The following TNS3 variants were observed in gnomAD, a reference collection of about 807,000 sequenced individuals.
TNS3 encodes the protein tensin-3.
TNS3 carries 45 observed loss-of-function variants against 140.9 expected under a neutral mutation model. The observed-to-expected ratio is 0.32, with a 90% CI of 0.25 to 0.41. TNS3 has a LOEUF of 0.41. TNS3 is among the 10% of genes least tolerant of loss of function. The pLI is 1.00. For missense variants in TNS3, 1,716 were observed against 1,906.7 expected, an observed-to-expected ratio of 0.90 and a Z score of 1.86; for synonymous variants, 815 against 788.4, an observed-to-expected ratio of 1.03 and a Z score of -0.56.
At chr7:47,565,485 G>A (rs969926587) in intron 1 of TNS3, among the ~76,000 whole-genome samples, 4 of 151,900 alleles carry the variant, frequency 2.6e-5, no homozygotes, top group Non-Finnish European at 5.9e-5. Flanking sequence ...TCCTGCCTCA[G>A]CTTCCCGAGT....
At chr7:47,338,690 C>T (rs1318467128) in intron 20 of TNS3, among the ~76,000 whole-genome samples, 2 of 152,128 alleles carry the variant, frequency 1.3e-5, no homozygotes, top group African/African-American at 2.4e-5. Flanking sequence ...TTTACGTCTG[C>T]GGAGTACTTC....
intron 28 of TNS3, among the ~76,000 whole-genome samples, chr7:47,282,249 C>A (rs1474778422): frequency 6.6e-6 from 1 of 150,426 alleles, no homozygotes; most frequent in Non-Finnish European, 1.5e-5. Flanking sequence ...TGAGCCATAC[C>A]CAACTGGGAC....
At chr7:47,477,758 C>T (rs1797248960) in intron 4 of TNS3, among the ~76,000 whole-genome samples, 3 of 152,202 alleles carry the variant, frequency 2.0e-5, no homozygotes, top group Non-Finnish European at 2.9e-5. Context: ...TGCCAGAAGA[C>T]TCAGCCCAGA....
Position 47,330,810 on chromosome 7 carries a change from T to C in TNS3, c.2650+13945A>G, listed in dbSNP as rs150713592. On this transcript the variant is annotated intron_variant, in intron 20 of 30. Coordinates refer to ENST00000311160, the MANE Select transcript of TNS3 (RefSeq NM_022748.12). Reference sequence around the variant, plus strand: ...AAGTTTAAAGGTCTCGCAGCCTCCATAGGGGGCACGTCCTTCCTGAGACAC... The same window carrying C: ...AAGTTTAAAGGTCTCGCAGCCTCCACAGGGGGCACGTCCTTCCTGAGACAC... Among the ~76,000 whole-genome samples the C allele has an allele frequency of 1.4e-4, 21 of 152,020 alleles. 1 individual carries two copies. Among genetic ancestry groups the C allele is most frequent in the East Asian group, 3.9e-4 (2 of 5,142 alleles).
chr7:47,325,205 T>G (rs1787962474), intron 20 of TNS3, among the ~76,000 whole-genome samples: 1 of 152,158 alleles, frequency 6.6e-6, no homozygotes, highest in Admixed American at 6.5e-5. Flanking sequence ...AGTAAATGAG[T>G]TCCATAGCAT....
intron 1 of TNS3, among the ~76,000 whole-genome samples, chr7:47,563,847 T>C (rs1800366305): frequency 6.6e-6 from 1 of 152,226 alleles, no homozygotes; most frequent in Admixed American, 6.5e-5. Flanking sequence ...TGGTATCCAA[T>C]TGTTTAGTCA....
At chr7:47,302,109 A>T (rs1786437748) in intron 23 of TNS3, 77 bp downstream of exon 23, 1 of 1,221,066 alleles carries the variant, frequency 8.2e-7, no homozygotes, top group African/African-American at 1.5e-5. Context: ...TTCCCACCGC[A>T]GGGCCCATCT....
intron 1 of TNS3, chr7:47,579,534 G>A (rs1343634044): frequency 1.3e-5 from 2 of 152,218 alleles, no homozygotes; most frequent in Non-Finnish European, 2.9e-5. Flanking sequence ...TAAGTGGCAG[G>A]GATCTAAACA....
chr7:47,304,383 T>C (rs1786617126), intron 21 of TNS3, among the ~76,000 whole-genome samples: 1 of 152,208 alleles, frequency 6.6e-6, no homozygotes, highest in Non-Finnish European at 1.5e-5. Flanking sequence ...AGAGGTAGAA[T>C]TTAAAAAGTT....
intron 17 of TNS3, among the ~76,000 whole-genome samples, chr7:47,346,965 T>G (rs1789380913): frequency 6.6e-6 from 1 of 152,234 alleles, no homozygotes; most frequent in African/African-American, 2.4e-5. Flanking sequence ...TCCCCACTCT[T>G]GACCAAATTC....
chr7:47,450,403 C>T (rs967147486), intron 4 of TNS3, among the ~76,000 whole-genome samples: 1 of 152,226 alleles, frequency 6.6e-6, no homozygotes. Flanking sequence ...TAAAAGCTAA[C>T]AGTGTGACTT....
At chr7:47,411,553 AC>A (rs1344294500) in intron 13 of TNS3, among the ~76,000 whole-genome samples, 173 bp downstream of exon 13, 1 of 152,232 alleles carries the variant, frequency 6.6e-6, no homozygotes, top group Non-Finnish European at 1.5e-5. Flanking sequence ...GATAAGGTCC[AC>A]GGCCCAGGCG....
At chr7:47,383,491 C>T (rs1368397084) in intron 16 of TNS3, among the ~76,000 whole-genome samples, 1 of 152,084 alleles carries the variant, frequency 6.6e-6, no homozygotes, top group Non-Finnish European at 1.5e-5. Flanking sequence ...ACCTTGTGAA[C>T]GTACTAAAAA....
intron 3 of TNS3, among the ~76,000 whole-genome samples, chr7:47,505,449 G>A (rs1475156687): frequency 3.3e-5 from 5 of 152,250 alleles, no homozygotes; most frequent in Non-Finnish European, 7.3e-5. Context: ...GCCCTCTCCA[G>A]AGCAGGGTGG....
intron 27 of TNS3, among the ~76,000 whole-genome samples, chr7:47,287,289 T>C (rs1785471119): frequency 6.6e-6 from 1 of 152,122 alleles, no homozygotes; most frequent in Non-Finnish European, 1.5e-5. Context: ...GTTTTAGAGA[T>C]TGGAACAAAG....
chr7:47,493,547 G>A (rs1035419015), intron 3 of TNS3, among the ~76,000 whole-genome samples: 2 of 151,934 alleles, frequency 1.3e-5, no homozygotes, highest in Non-Finnish European at 1.5e-5. Flanking sequence ...GGCCGGGCGC[G>A]GTGGCTCACA....
rs563793595 is a variant in TNS3 at position 47,568,095 on chromosome 7, C to T, written c.-265+13956G>A. Among the ~76,000 whole-genome samples, 20 of 152,308 alleles carry T rather than the reference C, an allele frequency of 1.3e-4. No homozygotes were observed. The South Asian group carries it at 1.9e-3, about 14-fold the overall frequency. ...TCCCCCAAGACCCTCTGAGAGGCTG[C>T]CCTGCCATCAAGCTCTTGAAAAGTT... On this transcript the variant is annotated intron_variant, in intron 1 of 30. Coordinates refer to ENST00000311160, the MANE Select transcript of TNS3 (RefSeq NM_022748.12).
chr7:47,489,860 C>CAAG (rs1797747534), intron 3 of TNS3, among the ~76,000 whole-genome samples: 1 of 152,202 alleles, frequency 6.6e-6, no homozygotes, highest in African/African-American at 2.4e-5. Context: ...GTCTGTCTTA[C>CAAG]AAGACCAGGG....
chr7:47,501,039 C>T (rs1392842797), intron 3 of TNS3, among the ~76,000 whole-genome samples: 4 of 151,776 alleles, frequency 2.6e-5, no homozygotes, highest in Non-Finnish European at 5.9e-5. Context: ...TGTGAAAGAT[C>T]GCACCACTGC....
Sources: allele counts gnomAD v4.1 joint callset (sites outside exome capture counted in the v4.1 genomes callset), GRCh38; gene constraint gnomAD v4.1.1; transcripts MANE v1.5; gene names NCBI Gene and HGNC (gene_info 2026-07-23, HGNC 2026-07-21).